Variants in LTO1 observed in about 807,000 individuals in gnomAD.
The protein encoded by LTO1 is LTO1 maturation factor of ABCE1.
In LTO1, 18 loss-of-function variants were observed where a neutral mutation model predicts 19.8. The ratio of observed to expected loss-of-function variants is 0.91; its 90% CI spans 0.63 to 1.35. The LOEUF (loss-of-function observed/expected upper bound fraction) is 1.35, where lower values mean the gene tolerates loss of function less well. LTO1 is among the 40% of genes most tolerant of loss of function. The pLI, the probability that LTO1 is intolerant of heterozygous loss-of-function variation, is 0.00. For synonymous variants in LTO1, 59 were observed against 59.6 expected (o/e 0.99, Z 0.05); for missense variants, 175 against 167.9 (o/e 1.04, Z -0.23).
At chr11:69,672,567 A>G (rs1429900577) in intron 2 of LTO1, 2 of 156,576 alleles carry the variant, frequency 1.3e-5, no homozygotes, top group African/African-American at 4.8e-5. Flanking sequence ...CAACGTAAAC[A>G]TAAATGGAAT....
intron 1 of LTO1, among the ~76,000 whole-genome samples, chr11:69,673,709 T>G (rs1199405936): frequency 3.4e-5 from 5 of 146,210 alleles, no homozygotes; most frequent in Non-Finnish European, 7.4e-5. Flanking sequence ...TTTTTTTTTT[T>G]GAGACAGGGT....
intron 2 of LTO1, chr11:69,672,621 G>A (rs79853477): frequency 0.016 from 2,658 of 164,468 alleles, 90 homozygotes; most frequent in African/African-American, 0.06. Context: ...CTTAGTACAT[G>A]AGCCAGCACC....
At chr11:69,673,638 A>C (rs1856144368) in intron 1 of LTO1, among the ~76,000 whole-genome samples, 2 of 151,398 alleles carry the variant, frequency 1.3e-5, no homozygotes, top group African/African-American at 4.8e-5. Flanking sequence ...CCTCACCCCC[A>C]GAGATTCAGT....
Position 69,667,543 on chromosome 11 carries a change from T to G in LTO1, c.390A>C (p.Ala130=), listed in dbSNP as rs558159192. Residue 130 remains alanine, a synonymous_variant, in exon 5 of 5, where the codon GCA becomes GCC. Coordinates refer to ENST00000279147, the MANE Select transcript of LTO1 (RefSeq NM_153451.3). ...LNVQPDFKIS[A]EGSGLSF is the part of the protein sequence containing the mutation. ...CTCAAAATGAAAGTCCGGAACCTTC[T>G]GCACTAATTTTAAAGTCTGGCTGAA... The G allele has an allele frequency of 6.2e-7, 1 of 1,611,268 alleles. No homozygotes were observed. The highest frequency in any genetic ancestry group is 1.1e-5 in the South Asian group (1 of 91,026).
chr11:69,673,225 G>C lies in LTO1; in HGVS notation c.147C>G (p.Ile49Met). 7.5e-6 allele frequency: 12 copies of C among 1,600,068 alleles called. No individual in the cohort carries two copies. The highest frequency in any genetic ancestry group is 1.0e-5 in the Non-Finnish European group (12 of 1,167,194). The change falls in exon 2 of 5, where the codon ATC (isoleucine) becomes ATG (methionine). Residue 49 changes from isoleucine to methionine, a missense_variant. By Grantham distance (10) the Ile-to-Met change is conservative. Coordinates refer to ENST00000279147, the MANE Select transcript of LTO1 (RefSeq NM_153451.3). ...GGGGGTTCCCACTTACCTCAGACCC[G>C]ATTTTGGCTCCATGCAGCGTGCCAT... The part of the protein sequence containing the change: ...RQHGTLHGAK[I>M]GSEIGCYQGF...
chr11:69,674,684 C>T lies in LTO1; in HGVS notation c.50+506G>A, dbSNP rs184753070. On this transcript the variant is annotated intron_variant, in intron 1 of 4. Transcript: ENST00000279147. ...TCTTAACTAACATCTATGGACGCGT[C>T]CTCTGGGCCGGGCACTGGAAGTCAG... The T allele has an allele frequency of 8.5e-3, 3,831 of 449,246 alleles. 27 individuals carry two copies. The highest frequency in any genetic ancestry group is 0.012 in the Non-Finnish European group (2,724 of 223,694). The allele number at this position is 449,246 out of a possible 1,614,324, so 27.8% of individuals were successfully genotyped here. A position where few individuals can be genotyped will look rare whatever the true frequency, so the allele number is the denominator to read the frequency against.
At chr11:69,669,261 G>A (rs957222131) in intron 3 of LTO1, among the ~76,000 whole-genome samples, 1 of 152,150 alleles carries the variant, frequency 6.6e-6, no homozygotes, top group Non-Finnish European at 1.5e-5. Context: ...ATTGGACCAT[G>A]TGAGTGGCCA....
At chr11:69,674,888 C>A (rs78150548) in intron 1 of LTO1, 10 of 655,246 alleles carry the variant, frequency 1.5e-5, no homozygotes, top group Non-Finnish European at 2.5e-5. Context: ...TCTGTCCTCC[C>A]AGAGGACGAG....
At chr11:69,670,897 T>TTTTG (rs147712663) in intron 3 of LTO1, among the ~76,000 whole-genome samples, 2,615 of 152,100 alleles carry the variant, frequency 0.017, 89 homozygotes, top group African/African-American at 0.06. Context: ...GAAGAAGAGT[T>TTTTG]TTTGTTTGTT....
rs1311468820 is a variant in LTO1 at position 69,668,711 on chromosome 11, TCA to T, written c.228-701_228-700del. 4.0e-5 allele frequency among the ~76,000 whole-genome samples: 6 copies of T among 150,900 alleles called. No individual in the cohort carries two copies. In the East Asian group the frequency reaches 1.2e-3, roughly 29 times the overall value. On this transcript the variant is annotated intron_variant, in intron 3 of 4. Coordinates refer to ENST00000279147, the MANE Select transcript of LTO1 (RefSeq NM_153451.3). The stretch of plus-strand genomic sequence containing the variant: ...TTTAATGGGGAGAGTAACAGCAACC[TCA>T]CAGACTTTCAAGAGGATTAAATAAC...
chr11:69,675,088 A>C (rs781044312), intron 1 of LTO1, 102 bp downstream of exon 1: 120 of 1,058,670 alleles, frequency 1.1e-4, no homozygotes, highest in Non-Finnish European at 1.7e-4. Context: ...CGCACGCCCA[A>C]GGGACGCCAG....
intron 3 of LTO1, 146 bp downstream of exon 3, chr11:69,671,603 T>C: frequency 3.1e-6 from 2 of 643,260 alleles, no homozygotes; most frequent in Non-Finnish European, 5.6e-6. Context: ...TTAAATCTCC[T>C]AACAACACTC....
Position 69,668,031 on chromosome 11 carries a change from C to A in LTO1, c.228-19G>T. The A allele has an allele frequency of 8.4e-7, 1 of 1,185,576 alleles. No homozygotes were observed. Among genetic ancestry groups the A allele is most frequent in the Non-Finnish European group, 1.3e-6 (1 of 789,054 alleles). 73.4% of individuals were successfully genotyped at this position (1,185,576 alleles called of 1,614,324 possible). A position where few individuals can be genotyped will look rare whatever the true frequency, so the allele number is the denominator to read the frequency against. On this transcript the variant is annotated intron_variant, in intron 3 of 4. Coordinates refer to ENST00000279147, the MANE Select transcript of LTO1 (RefSeq NM_153451.3). ...CTTTCTGCTGTAAAGCACAGAAATA[C>A]AGACTCTCAGTCATGTGCACACAAC...
In LTO1 at chr11:69,673,301, C is replaced by G; in HGVS notation, c.71G>C (p.Arg24Pro). 6.2e-7 allele frequency: 1 copy of G among 1,610,264 alleles called. No individual in the cohort carries two copies. Among genetic ancestry groups the G allele is most frequent in the Non-Finnish European group, 8.5e-7 (1 of 1,176,494 alleles). The change falls in exon 2 of 5, where the codon CGG becomes CCG. Residue 24 changes from arginine to proline, a missense_variant. Transcript: ENST00000279147. ...ADERFHGEGY[R>P]EGYEEGSSLG... ...ACTACTGCCTTCTTCATAGCCTTCC[C>G]GATACCCTTCCCCATGAAACCTGTG...
chr11:69,668,066 T>C (rs955215550), intron 3 of LTO1, 54 bp from the exon 4 acceptor site: 7 of 863,310 alleles, frequency 8.1e-6, no homozygotes, highest in Non-Finnish European at 1.4e-5. Context: ...CAGGCTCAAC[T>C]TACACAACAG....
Position 69,671,823 on chromosome 11 carries a change from T to C in LTO1, c.157-4A>G, listed in dbSNP as rs142367375. 3.2e-6 allele frequency: 5 copies of C among 1,554,858 alleles called. No individual in the cohort carries two copies. The highest frequency in any genetic ancestry group is 2.2e-5 in the South Asian group (2 of 89,876). ...CAAAACCTTGGTAGCACCCGATCTG[T>C]GAATGTGAAAAATATTTAAGAGTGA... On this transcript the variant is annotated splice_polypyrimidine_tract_variant and splice_region_variant and intron_variant, in intron 2 of 4. Coordinates refer to ENST00000279147, the MANE Select transcript of LTO1 (RefSeq NM_153451.3).
At chr11:69,674,209 G>A (rs1856154411) in intron 1 of LTO1, among the ~76,000 whole-genome samples, 1 of 152,126 alleles carries the variant, frequency 6.6e-6, no homozygotes, top group Non-Finnish European at 1.5e-5. Context: ...AGAGTTAGGG[G>A]GCCAAAGTTC....
chr11:69,673,408 C>G, intron 1 of LTO1, 87 bp from the exon 2 acceptor site: 1 of 870,412 alleles, frequency 1.1e-6, no homozygotes. Flanking sequence ...TTACCCGGAC[C>G]CAGTAAGACA....
At chr11:69,672,881 C>T in intron 2 of LTO1, 1 of 365,098 alleles carries the variant, frequency 2.7e-6, no homozygotes, top group South Asian at 2.2e-5. Context: ...CGGCTTACCA[C>T]AACCTCTGCC....
Sources: allele counts gnomAD v4.1 joint callset (sites outside exome capture counted in the v4.1 genomes callset), GRCh38; gene constraint gnomAD v4.1.1; transcripts MANE v1.5; gene names NCBI Gene and HGNC (gene_info 2026-07-23, HGNC 2026-07-21).